Variants in MAGI2 observed in about 807,000 individuals in gnomAD.
MAGI2 encodes membrane-associated guanylate kinase, WW and PDZ domain-containing protein 2.
Under a neutral mutation model 133.3 loss-of-function variants are expected in MAGI2, and 35 were observed. That is an observed-to-expected ratio of 0.26 (90% CI 0.20 to 0.35). The LOEUF (loss-of-function observed/expected upper bound fraction) is 0.35, where lower values mean the gene tolerates loss of function less well. Among genes scored for constraint, MAGI2 ranks in the 10% least tolerant of loss-of-function variants. The pLI is 1.00. For synonymous variants in MAGI2, 729 were observed against 710.6 expected (o/e 1.03, Z -0.41); for missense variants, 1,636 against 1,863.4 (o/e 0.88, Z 2.25).
chr7:79,276,719 T>A (rs2129557620), intron 1 of MAGI2, among the ~76,000 whole-genome samples: 1 of 152,240 alleles, frequency 6.6e-6, no homozygotes, highest in East Asian at 1.9e-4. Flanking sequence ...ATCCCAACAC[T>A]TTGGGAGGCC....
chr7:79,165,648 C>T (rs535322166), intron 1 of MAGI2, among the ~76,000 whole-genome samples: 1 of 152,116 alleles, frequency 6.6e-6, no homozygotes, highest in East Asian at 1.9e-4. Context: ...ATAATTAGCA[C>T]CCACAATTGC....
At chr7:78,553,101 A>C (rs1354949676) in intron 3 of MAGI2, among the ~76,000 whole-genome samples, 1 of 151,644 alleles carries the variant, frequency 6.6e-6, no homozygotes, top group African/African-American at 2.4e-5. Flanking sequence ...AATTAAAAAA[A>C]AAAAAAACAA....
chr7:78,907,382 T>G (rs936685266), intron 2 of MAGI2, among the ~76,000 whole-genome samples: 1 of 152,218 alleles, frequency 6.6e-6, no homozygotes. Context: ...GGGGTACACA[T>G]GTTTAATTTT....
chr7:78,586,897 T>C (rs1170976752), intron 3 of MAGI2, among the ~76,000 whole-genome samples: 2 of 152,244 alleles, frequency 1.3e-5, no homozygotes, highest in Non-Finnish European at 2.9e-5. Flanking sequence ...TGTAGCATTT[T>C]TCAGAATTTC....
chr7:79,424,237 T>G (rs1201456081), intron 1 of MAGI2, among the ~76,000 whole-genome samples: 1 of 150,788 alleles, frequency 6.6e-6, no homozygotes, highest in Non-Finnish European at 1.5e-5. Flanking sequence ...CCCATGTTGT[T>G]GCAAATGGCA....
intron 9 of MAGI2, among the ~76,000 whole-genome samples, chr7:78,282,164 A>ATTCC (rs1562745862): frequency 2.8e-5 from 4 of 143,448 alleles, no homozygotes; most frequent in Non-Finnish European, 5.9e-5. Flanking sequence ...CTTTGGATTT[A>ATTCC]AAAAGAAGCT....
chr7:78,318,023 C>T (rs981980171), intron 9 of MAGI2, among the ~76,000 whole-genome samples: 5 of 152,132 alleles, frequency 3.3e-5, no homozygotes, highest in Non-Finnish European at 5.9e-5. Context: ...GAGAAACCAG[C>T]GCAAAAAGGC....
At chr7:78,485,764 A>G (rs540295681) in intron 6 of MAGI2, 111 of 152,152 alleles carry the variant, frequency 7.3e-4, no homozygotes, top group African/African-American at 2.6e-3. Context: ...ACAAAATAAT[A>G]TATAATCTTC....
chr7:78,949,017 A>T (rs189539625), intron 2 of MAGI2, among the ~76,000 whole-genome samples: 9 of 152,230 alleles, frequency 5.9e-5, no homozygotes, highest in East Asian at 1.9e-4. Context: ...GAAAACTTAT[A>T]AAAAAACTTC....
intron 1 of MAGI2, among the ~76,000 whole-genome samples, chr7:79,274,771 C>T (rs1835116838): frequency 2.0e-5 from 3 of 152,072 alleles, no homozygotes; most frequent in African/African-American, 7.2e-5. Context: ...GCCATTTTTC[C>T]AACATGATCA....
At chr7:78,141,382 C>A (rs3807702) in intron 16 of MAGI2, among the ~76,000 whole-genome samples, 20,891 of 152,066 alleles carry the variant, frequency 0.14, 1,656 homozygotes, top group African/African-American at 0.21. Context: ...AAAAATTCTG[C>A]CTTCATATGT....
At chr7:78,484,164 TGTCA>T (rs1340947276) in intron 6 of MAGI2, 1 of 151,954 alleles carries the variant, frequency 6.6e-6, no homozygotes, top group Non-Finnish European at 1.5e-5. Context: ...TTAATCTGTG[TGTCA>T]GTTTTATAAA....
chr7:79,187,107 C>G (rs916065678), intron 1 of MAGI2, among the ~76,000 whole-genome samples: 1 of 151,378 alleles, frequency 6.6e-6, no homozygotes, highest in African/African-American at 2.4e-5. Flanking sequence ...GTAGCATCCA[C>G]AGAGAAAATA....
At chr7:78,804,014 A>G (rs1788301519) in intron 2 of MAGI2, among the ~76,000 whole-genome samples, 1 of 152,252 alleles carries the variant, frequency 6.6e-6, no homozygotes, top group Non-Finnish European at 1.5e-5. Flanking sequence ...GCTCTTGCAT[A>G]TGCTAAACTT....
intron 6 of MAGI2, among the ~76,000 whole-genome samples, chr7:78,483,025 A>T (rs1792584058): frequency 6.8e-6 from 1 of 147,406 alleles, no homozygotes; most frequent in East Asian, 2.1e-4. Flanking sequence ...GTATATATGT[A>T]CTTGTATACC....
intron 6 of MAGI2, among the ~76,000 whole-genome samples, chr7:78,393,986 G>C (rs1264030727): frequency 1.3e-5 from 2 of 151,980 alleles, no homozygotes; most frequent in African/African-American, 4.8e-5. Context: ...AGTAAAGCTA[G>C]AGAACCAGAA....
chr7:79,136,065 GAAGGAAAGAAAGAAA>G (rs1821479072), intron 1 of MAGI2, among the ~76,000 whole-genome samples: 2 of 125,636 alleles, frequency 1.6e-5, no homozygotes, highest in Non-Finnish European at 3.4e-5. Flanking sequence ...AAGAAAGAAA[GAAGGAAAGAAAGAAA>G]GAAAGAAAGA....
At chr7:78,300,869 G>T (rs949401106) in intron 9 of MAGI2, among the ~76,000 whole-genome samples, 1 of 152,122 alleles carries the variant, frequency 6.6e-6, no homozygotes, top group Non-Finnish European at 1.5e-5. Context: ...CCTGCTTTTT[G>T]AAATAGGCTT....
chr7:79,317,033 T>G (rs1838787650), intron 1 of MAGI2, among the ~76,000 whole-genome samples: 1 of 147,990 alleles, frequency 6.8e-6, no homozygotes, highest in Non-Finnish European at 1.5e-5. Flanking sequence ...TTTTTTTTTT[T>G]TTTTTTGAGG....
Sources: gnomAD v4.1 joint callset for allele counts (sites outside exome capture counted in the v4.1 genomes callset) on GRCh38, gnomAD v4.1.1 for gene constraint, MANE v1.5 for transcripts, NCBI Gene and HGNC (gene_info 2026-07-23, HGNC 2026-07-21) for gene names.